CTNNA3: variants seen among roughly 807,000 people sequenced by gnomAD.
CTNNA3 encodes catenin alpha-3.
Under a neutral mutation model 95.7 loss-of-function variants are expected in CTNNA3, and 76 were observed. That is an observed-to-expected ratio of 0.79 (90% confidence interval 0.66 to 0.96). CTNNA3 has a LOEUF of 0.96. Ranked by LOEUF, CTNNA3 falls within the 40% of genes least tolerant of loss-of-function variation. The probability of loss-of-function intolerance (pLI) is 0.00; values close to 1 mark genes in which losing one functional copy is unlikely to be tolerated. For missense variants in CTNNA3, 1,191 were observed against 1,089.8 expected (o/e 1.09, Z -1.31); for synonymous variants, 431 against 374.4 (o/e 1.15, Z -1.74).
chr10:66,544,367 G>T (rs971804807), intron 10 of CTNNA3, among the ~76,000 whole-genome samples: 1 of 151,994 alleles, frequency 6.6e-6, no homozygotes, highest in African/African-American at 2.4e-5. Flanking sequence ...ATTTCAGAGG[G>T]TTGGGAAAGG....
At chr10:65,937,793 T>A (rs1274295412) in intron 17 of CTNNA3, among the ~76,000 whole-genome samples, 1 of 152,186 alleles carries the variant, frequency 6.6e-6, no homozygotes, top group East Asian at 1.9e-4. Context: ...AGTGATTACA[T>A]TTTTTAAAAG....
At chr10:67,414,622 TACA>T (rs1008055550) in intron 5 of CTNNA3, among the ~76,000 whole-genome samples, 10 of 152,110 alleles carry the variant, frequency 6.6e-5, no homozygotes, top group Middle Eastern at 3.4e-3. Flanking sequence ...CAGGCAGAGA[TACA>T]ACAACAACAA....
chr10:66,825,957 T>C (rs1842491951), intron 7 of CTNNA3, among the ~76,000 whole-genome samples: 1 of 152,190 alleles, frequency 6.6e-6, no homozygotes, highest in African/African-American at 2.4e-5. Context: ...TCTACTTTTT[T>C]AGTTCAACAT....
At chr10:66,274,068 TA>T (rs1589909801) in intron 13 of CTNNA3, among the ~76,000 whole-genome samples, 1 of 152,218 alleles carries the variant, frequency 6.6e-6, no homozygotes, top group East Asian at 1.9e-4. Context: ...TCGTAAAGGC[TA>T]AAACAAAATC....
chr10:66,464,891 A>T (rs1176908950), intron 11 of CTNNA3, among the ~76,000 whole-genome samples: 4 of 152,156 alleles, frequency 2.6e-5, no homozygotes, highest in Non-Finnish European at 4.4e-5. Context: ...CATTAAAAAA[A>T]AATAAGATCT....
At chr10:67,515,120 T>C (rs1459660321) in intron 5 of CTNNA3, among the ~76,000 whole-genome samples, 2 of 152,224 alleles carry the variant, frequency 1.3e-5, no homozygotes, top group African/African-American at 4.8e-5. Flanking sequence ...AAATGTATAA[T>C]ATGCATCATT....
At chr10:67,075,188 A>T (rs1856684009) in intron 7 of CTNNA3, among the ~76,000 whole-genome samples, 1 of 151,746 alleles carries the variant, frequency 6.6e-6, no homozygotes, top group Non-Finnish European at 1.5e-5. Flanking sequence ...ACACACACAC[A>T]CTCACACACT....
chr10:67,016,185 T>C (rs554595616), intron 7 of CTNNA3, among the ~76,000 whole-genome samples: 4 of 152,170 alleles, frequency 2.6e-5, no homozygotes, highest in Non-Finnish European at 5.9e-5. Flanking sequence ...CTGTTCCCTT[T>C]CTGATCGCTA....
rs34725693 is a variant in CTNNA3 at position 66,696,770 on chromosome 10, T to TA, written c.1281+69493dup. Among the ~76,000 whole-genome samples the TA allele has an allele frequency of 5.5e-3, 825 of 149,538 alleles. 7 individuals are homozygous for TA. Among genetic ancestry groups the TA allele is most frequent in the African/African-American group, 0.018 (738 of 40,642 alleles). On this transcript the variant is annotated intron_variant, in intron 9 of 17. Transcript: ENST00000433211. ...CAATAAAGTGAAACTCTGTCTCTATTAAAAAAAAAAATTAAAGAATTATCC... is the reference window on the plus strand; with the variant it reads ...CAATAAAGTGAAACTCTGTCTCTATTAAAAAAAAAAAATTAAAGAATTATCC...
At chr10:66,846,056 C>A (rs1053468375) in intron 7 of CTNNA3, among the ~76,000 whole-genome samples, 1 of 151,642 alleles carries the variant, frequency 6.6e-6, no homozygotes, top group South Asian at 2.1e-4. Flanking sequence ...CGCTTGAACC[C>A]GGGAGGCGGA....
At chr10:67,490,849 A>G (rs1450168084) in intron 5 of CTNNA3, among the ~76,000 whole-genome samples, 1 of 152,146 alleles carries the variant, frequency 6.6e-6, no homozygotes, top group African/African-American at 2.4e-5. Flanking sequence ...CACAGTGAAC[A>G]TAAGAAGAAA....
At chr10:67,615,821 C>A (rs997418363) in intron 2 of CTNNA3, among the ~76,000 whole-genome samples, 1 of 152,026 alleles carries the variant, frequency 6.6e-6, no homozygotes, top group African/African-American at 2.4e-5. Flanking sequence ...TGTCACCACG[C>A]CCAGCTAATT....
At chr10:66,078,488 A>G (rs907241918) in intron 14 of CTNNA3, among the ~76,000 whole-genome samples, 1 of 151,932 alleles carries the variant, frequency 6.6e-6, no homozygotes, top group Admixed American at 6.6e-5. Context: ...AGTCAAGAAA[A>G]CAATAATGGT....
rs397729914 is a variant in CTNNA3 at position 65,917,470 on chromosome 10, T to TTTTA, written c.*2859_*2860insTAAA. The TTTTA allele has an allele frequency of 6.6e-6, 1 of 151,816 alleles. No homozygotes were observed. Among genetic ancestry groups the TTTTA allele is most frequent in the Non-Finnish European group, 1.5e-5 (1 of 67,956 alleles). 9.4% of individuals were successfully genotyped at this position (151,816 alleles called of 1,614,324 possible). A position where few individuals can be genotyped will look rare whatever the true frequency, so the allele number is the denominator to read the frequency against. On this transcript the variant is annotated 3_prime_UTR_variant, in exon 18 of 18. Coordinates refer to ENST00000433211, the MANE Select transcript of CTNNA3 (RefSeq NM_013266.4). Reference sequence around the variant, plus strand: ...AGTGGATTATTATTTCGTTTTTTTTTAAATTTTCATTCTAATTCCAGTCTA... The same window carrying TTTTA: ...AGTGGATTATTATTTCGTTTTTTTTTTTTAAAATTTTCATTCTAATTCCAGTCTA...
intron 12 of CTNNA3, among the ~76,000 whole-genome samples, chr10:66,290,393 G>A (rs1170885591): frequency 1.3e-5 from 2 of 151,922 alleles, no homozygotes; most frequent in African/African-American, 4.8e-5. Context: ...GGGTTATATG[G>A]TTCATATTAC....
chr10:67,747,641 T>G (rs932070495), intron 1 of CTNNA3, among the ~76,000 whole-genome samples: 2 of 152,142 alleles, frequency 1.3e-5, no homozygotes, highest in Admixed American at 1.3e-4. Flanking sequence ...AGACAACTCA[T>G]GAAGATGAGA....
At position 66,932,577 on chromosome 10, in the gene CTNNA3, T is replaced by C. The variant is rs547718589; in HGVS notation, c.1048-157053A>G. Among the ~76,000 whole-genome samples the C allele has an allele frequency of 6.6e-5, 10 of 152,200 alleles. 1 individual carries two copies. In the South Asian group the frequency reaches 1.0e-3, roughly 16 times the overall value. ...TACCTACACTAAAAATCAGAGGCAGTTGGGGGAAACAATGAGCACAACAGA... is the reference window on the plus strand; with the variant it reads ...TACCTACACTAAAAATCAGAGGCAGCTGGGGGAAACAATGAGCACAACAGA... On this transcript the variant is annotated intron_variant, in intron 7 of 17. Transcript: ENST00000433211.
intron 7 of CTNNA3, among the ~76,000 whole-genome samples, chr10:66,886,443 A>T (rs149414300): frequency 2.0e-3 from 307 of 152,048 alleles, no homozygotes; most frequent in African/African-American, 6.8e-3. Context: ...TGATACTGGG[A>T]CCCTTATGTT....
intron 13 of CTNNA3, among the ~76,000 whole-genome samples, chr10:66,276,602 C>T (rs1332458626): frequency 1.3e-5 from 2 of 151,986 alleles, no homozygotes; most frequent in Non-Finnish European, 2.9e-5. Context: ...ATTTAGATAC[C>T]TGATGTTAAT....
Sources: allele counts gnomAD v4.1 joint callset (sites outside exome capture counted in the v4.1 genomes callset), GRCh38; gene constraint gnomAD v4.1.1; transcripts MANE v1.5; gene names NCBI Gene and HGNC (gene_info 2026-07-23, HGNC 2026-07-21).